Variants in CACNA2D3 observed in about 807,000 individuals in gnomAD.
CACNA2D3 encodes calcium voltage-gated channel auxiliary subunit alpha2delta 3, also known as voltage-dependent calcium channel subunit alpha-2/delta-3.
Under a neutral mutation model 160.6 loss-of-function variants are expected in CACNA2D3, and 60 were observed. That is an observed-to-expected ratio of 0.37 (90% CI 0.30 to 0.46). The LOEUF (loss-of-function observed/expected upper bound fraction) is 0.46, where lower values mean the gene tolerates loss of function less well. CACNA2D3 is among the 20% of genes least tolerant of loss of function. CACNA2D3 has a pLI of 1.00. For missense variants in CACNA2D3, 1,205 were observed against 1,365.0 expected (o/e 0.88, Z 1.85); for synonymous variants, 558 against 492.9 (o/e 1.13, Z -1.75).
At chr3:54,269,477 G>A (rs1702577752) in intron 2 of CACNA2D3, among the ~76,000 whole-genome samples, 1 of 152,156 alleles carries the variant, frequency 6.6e-6, no homozygotes, top group South Asian at 2.1e-4. Context: ...TAGGAGCTGG[G>A]GATGCAAAGC....
intron 27 of CACNA2D3, among the ~76,000 whole-genome samples, chr3:54,903,094 G>A (rs538369616): frequency 5.3e-5 from 8 of 152,148 alleles, no homozygotes; most frequent in East Asian, 3.9e-4. Flanking sequence ...ACACGTGCAC[G>A]TTTGTTACAT....
chr3:54,869,273 C>T (rs541920567), intron 17 of CACNA2D3, among the ~76,000 whole-genome samples: 1 of 152,124 alleles, frequency 6.6e-6, no homozygotes, highest in Non-Finnish European at 1.5e-5. Flanking sequence ...ACAAGCTATG[C>T]GATCTTATTT....
chr3:54,559,961 T>C (rs1284704815), intron 5 of CACNA2D3, among the ~76,000 whole-genome samples: 6 of 152,226 alleles, frequency 3.9e-5, no homozygotes, highest in Non-Finnish European at 8.8e-5. Context: ...TTTCATGGTG[T>C]ATATGTGCCA....
At chr3:54,374,656 G>A (rs1237517252) in intron 3 of CACNA2D3, among the ~76,000 whole-genome samples, 3 of 152,182 alleles carry the variant, frequency 2.0e-5, no homozygotes, top group Non-Finnish European at 4.4e-5. Context: ...ACCCCCTGGA[G>A]GCAGTACCAG....
At chr3:54,574,012 A>G (rs556296922) in intron 8 of CACNA2D3, among the ~76,000 whole-genome samples, 2 of 152,200 alleles carry the variant, frequency 1.3e-5, no homozygotes, top group South Asian at 4.2e-4. Context: ...GTGCAGGGGA[A>G]TGGGATATTT....
chr3:55,074,097 C>T lies in CACNA2D3; in HGVS notation c.3184-17C>T. Reference sequence around the variant, plus strand: ...GGAGTCTATTTCCGTCTAACCAACCCCTGCCTTTCCCCATAGGAGAATGCA... The same window carrying T: ...GGAGTCTATTTCCGTCTAACCAACCTCTGCCTTTCCCCATAGGAGAATGCA... On this transcript the variant is annotated splice_polypyrimidine_tract_variant and intron_variant, in intron 37 of 37. Transcript: ENST00000474759. 1 of 1,607,520 alleles carries T rather than the reference C, an allele frequency of 6.2e-7. No individual in the cohort carries two copies. The highest frequency in any genetic ancestry group is 8.5e-7 in the Non-Finnish European group (1 of 1,173,944).
chr3:54,253,808 C>A (rs565334528), intron 2 of CACNA2D3, among the ~76,000 whole-genome samples: 31 of 152,170 alleles, frequency 2.0e-4, no homozygotes, highest in African/African-American at 6.7e-4. Context: ...GAGTCTATTG[C>A]CCAGGCTGGA....
chr3:54,897,383 G>A (rs1230436966), intron 26 of CACNA2D3, among the ~76,000 whole-genome samples: 1 of 152,188 alleles, frequency 6.6e-6, no homozygotes, highest in Non-Finnish European at 1.5e-5. Context: ...AGTCCTAAGA[G>A]TTTATGATAT....
intron 4 of CACNA2D3, among the ~76,000 whole-genome samples, chr3:54,405,575 A>G (rs1023933216): frequency 6.6e-6 from 1 of 152,090 alleles, no homozygotes; most frequent in Non-Finnish European, 1.5e-5. Context: ...CTCAAAATGG[A>G]TGAAAGACCT....
At chr3:54,313,768 T>C (rs914636556) in intron 2 of CACNA2D3, among the ~76,000 whole-genome samples, 3 of 123,732 alleles carry the variant, frequency 2.4e-5, no homozygotes, top group Non-Finnish European at 3.2e-5. Flanking sequence ...CTTGTCGTCC[T>C]CAAAGGGTTC....
At chr3:54,466,565 T>A (rs1210896354) in intron 4 of CACNA2D3, among the ~76,000 whole-genome samples, 1 of 152,236 alleles carries the variant, frequency 6.6e-6, no homozygotes, top group African/African-American at 2.4e-5. Flanking sequence ...GCAAGTGTTA[T>A]TCATATATTG....
intron 3 of CACNA2D3, among the ~76,000 whole-genome samples, chr3:54,356,634 G>C (rs369785858): frequency 9.2e-5 from 14 of 152,270 alleles, no homozygotes; most frequent in African/African-American, 3.4e-4. Context: ...AAGTAGATGG[G>C]ATGGTGCCCT....
At chr3:54,759,774 C>T (rs892984522) in intron 12 of CACNA2D3, among the ~76,000 whole-genome samples, 2 of 152,184 alleles carry the variant, frequency 1.3e-5, no homozygotes, top group Non-Finnish European at 2.9e-5. Context: ...ATTAGAGTTA[C>T]CCTCCTGGGG....
At chr3:54,933,055 TC>T (rs1559635624) in intron 27 of CACNA2D3, among the ~76,000 whole-genome samples, 1 of 6,058 alleles carries the variant, frequency 1.7e-4, no homozygotes, top group African/African-American at 3.9e-4. Flanking sequence ...ATCCCTCCCT[TC>T]CTTCCTTCCT....
At chr3:54,791,117 C>T (rs1441270590) in intron 13 of CACNA2D3, among the ~76,000 whole-genome samples, 2 of 152,068 alleles carry the variant, frequency 1.3e-5, no homozygotes, top group Non-Finnish European at 2.9e-5. Flanking sequence ...GAGCTCTGCT[C>T]ACTCAGCAGA....
At chr3:54,615,867 C>T (rs1698838785) in intron 9 of CACNA2D3, among the ~76,000 whole-genome samples, 1 of 152,186 alleles carries the variant, frequency 6.6e-6, no homozygotes, top group South Asian at 2.1e-4. Flanking sequence ...CTGAGCTCTA[C>T]CTCAGATCAG....
At chr3:54,379,371 C>A (rs1432074504) in intron 3 of CACNA2D3, among the ~76,000 whole-genome samples, 1 of 152,146 alleles carries the variant, frequency 6.6e-6, no homozygotes. Context: ...AAATGATCAC[C>A]TTGATAGTTG....
chr3:54,585,380 A>T (rs943716804), intron 9 of CACNA2D3, among the ~76,000 whole-genome samples: 1 of 152,248 alleles, frequency 6.6e-6, no homozygotes, highest in Non-Finnish European at 1.5e-5. Flanking sequence ...ACAGAGAGTT[A>T]TTCTTAAAAA....
intron 5 of CACNA2D3, among the ~76,000 whole-genome samples, chr3:54,551,767 C>T (rs539722282): frequency 1.3e-5 from 2 of 152,330 alleles, no homozygotes; most frequent in African/African-American, 4.8e-5. Flanking sequence ...GCTGCTGTGA[C>T]AGTTTTGCAA....
Sources: allele counts gnomAD v4.1 joint callset (sites outside exome capture counted in the v4.1 genomes callset), GRCh38; gene constraint gnomAD v4.1.1; transcripts MANE v1.5; gene names NCBI Gene and HGNC (gene_info 2026-07-23, HGNC 2026-07-21).